CAMTA1: variants seen among roughly 807,000 people sequenced by gnomAD.
The protein encoded by CAMTA1 is calmodulin-binding transcription activator 1.
CAMTA1 carries 27 observed loss-of-function variants against 170.9 expected under a neutral mutation model. The observed-to-expected ratio is 0.16, with a 90% CI of 0.12 to 0.22. CAMTA1 has a LOEUF of 0.22. Among genes scored for constraint, CAMTA1 ranks in the 10% least tolerant of loss-of-function variants. The pLI is 1.00. For synonymous variants in CAMTA1, 833 were observed against 891.5 expected (o/e 0.93, Z 1.17); for missense variants, 1,619 against 2,217.2 (o/e 0.73, Z 5.42).
At chr1:7,728,909 C>T (rs2096711298) in intron 11 of CAMTA1, among the ~76,000 whole-genome samples, 1 of 152,184 alleles carries the variant, frequency 6.6e-6, no homozygotes, top group African/African-American at 2.4e-5. Flanking sequence ...GGTTACCCCA[C>T]ACAGTGTGTA....
chr1:6,868,348 AC>A (rs1667354298), intron 3 of CAMTA1, among the ~76,000 whole-genome samples: 1 of 151,546 alleles, frequency 6.6e-6, no homozygotes, highest in Non-Finnish European at 1.5e-5. Flanking sequence ...ACAAAACAAA[AC>A]AAAAAACGAC....
Position 7,751,305 on chromosome 1 carries a change from T to A in CAMTA1, c.4796T>A (p.Leu1599His). ...CAGCAGAGCCGACGGGCTGCTGTGC[T>A]CATCCAAAAGTACTACCGAAGTTAT... ...KFQQSRRAAV[L>H]IQKYYRSYKK... Residue 1599 changes from leucine (L) to histidine (H), a missense_variant, in exon 20 of 23, where the codon CTC becomes CAC. By Grantham distance (99) the Leu-to-His change is moderately conservative (BLOSUM62 -3). Transcript: ENST00000303635. 2.5e-6 allele frequency: 4 copies of A among 1,612,922 alleles called. No homozygotes were observed. The highest frequency in any genetic ancestry group is 3.4e-6 in the Non-Finnish European group (4 of 1,179,750).
intron 11 of CAMTA1, among the ~76,000 whole-genome samples, chr1:7,700,344 C>A (rs1200457108): frequency 2.0e-5 from 3 of 152,164 alleles, no homozygotes; most frequent in African/African-American, 7.2e-5. Context: ...TTTTCTATTT[C>A]TTCAAGCCTT....
intron 14 of CAMTA1, 37 bp downstream of exon 14, chr1:7,737,046 C>A (rs775742497): frequency 3.9e-6 from 6 of 1,522,058 alleles, no homozygotes; most frequent in Admixed American, 3.4e-5. Flanking sequence ...CCTTGCTGTT[C>A]TTCCAGTCTG....
At chr1:7,611,075 A>G (rs60180258) in intron 6 of CAMTA1, among the ~76,000 whole-genome samples, 1,713 of 152,194 alleles carry the variant, frequency 0.011, 22 homozygotes, top group African/African-American at 0.038. Context: ...CTCCTCTGTA[A>G]AGCAGGCAGA....
At chr1:7,370,724 A>C (rs1292297988) in intron 5 of CAMTA1, among the ~76,000 whole-genome samples, 1 of 152,162 alleles carries the variant, frequency 6.6e-6, no homozygotes, top group African/African-American at 2.4e-5. Context: ...TATATTTAAA[A>C]TCACATGCCA....
chr1:6,862,475 C>T (rs1182326998), intron 3 of CAMTA1, among the ~76,000 whole-genome samples: 1 of 152,220 alleles, frequency 6.6e-6, no homozygotes, highest in Non-Finnish European at 1.5e-5. Context: ...ATGCCATGAA[C>T]ATAGGTGTAA....
At chr1:7,461,125 AAG>A (rs2093077013) in intron 5 of CAMTA1, among the ~76,000 whole-genome samples, 1 of 152,128 alleles carries the variant, frequency 6.6e-6, no homozygotes, top group Non-Finnish European at 1.5e-5. Flanking sequence ...GGTTTTAGGG[AAG>A]AGAGGGGAGG....
chr1:7,126,509 A>G (rs1644940796), intron 4 of CAMTA1, among the ~76,000 whole-genome samples: 1 of 152,220 alleles, frequency 6.6e-6, no homozygotes, highest in African/African-American at 2.4e-5. Context: ...AAATTTAAAT[A>G]TTGATGAGTT....
intron 1 of CAMTA1, among the ~76,000 whole-genome samples, chr1:6,797,995 A>AT (rs1165317331): frequency 4.8e-5 from 7 of 146,498 alleles, no homozygotes; most frequent in African/African-American, 1.8e-4. Flanking sequence ...TGAAGAAAGG[A>AT]ATTTTTTTTT....
chr1:7,094,432 T>C (rs1446638173), intron 4 of CAMTA1, among the ~76,000 whole-genome samples: 1 of 152,216 alleles, frequency 6.6e-6, no homozygotes, highest in African/African-American at 2.4e-5. Context: ...TTTTAGAAAA[T>C]TAATAAAAAT....
chr1:7,607,241 T>C (rs1298426739), intron 6 of CAMTA1, among the ~76,000 whole-genome samples: 1 of 150,266 alleles, frequency 6.7e-6, no homozygotes, highest in African/African-American at 2.5e-5. Context: ...GGCAGCTGGA[T>C]GGATGGGTGA....
At chr1:7,450,573 G>A (rs1158281853) in intron 5 of CAMTA1, among the ~76,000 whole-genome samples, 5 of 152,196 alleles carry the variant, frequency 3.3e-5, no homozygotes, top group Admixed American at 1.3e-4. Context: ...GGGGCTGCAG[G>A]CCCCACCGCC....
intron 5 of CAMTA1, among the ~76,000 whole-genome samples, chr1:7,411,454 G>A (rs561217213): frequency 2.1e-5 from 3 of 141,472 alleles, no homozygotes; most frequent in Admixed American, 7.9e-5. Flanking sequence ...CAGGAGAATC[G>A]ATAGAACCTG....
At chr1:7,334,791 C>A (rs1275510536) in intron 5 of CAMTA1, among the ~76,000 whole-genome samples, 1 of 152,104 alleles carries the variant, frequency 6.6e-6, no homozygotes, top group Non-Finnish European at 1.5e-5. Flanking sequence ...ATTCGGTATG[C>A]AAATGAAGCC....
Position 7,671,281 on chromosome 1 carries a change from G to A in CAMTA1, c.2779+244G>A, listed in dbSNP as rs1246744092. On this transcript the variant is annotated intron_variant, in intron 10 of 22. Coordinates refer to ENST00000303635, the MANE Select transcript of CAMTA1 (RefSeq NM_015215.4). ...GGATTTTGAAGCGAATGTGATGAGA[G>A]CACGATTTAGGGCAGGAATAAGCCA... Among the ~76,000 whole-genome samples the A allele has an allele frequency of 2.0e-5, 3 of 152,338 alleles. No individual in the cohort carries two copies. In the East Asian group the frequency reaches 5.8e-4, roughly 29 times the overall value.
intron 3 of CAMTA1, among the ~76,000 whole-genome samples, chr1:6,989,521 G>A (rs2100390923): frequency 6.6e-6 from 1 of 152,310 alleles, no homozygotes; most frequent in Non-Finnish European, 1.5e-5. Context: ...TATTTCCAGT[G>A]GGAATTGAAA....
chr1:6,865,628 A>G (rs1666336958), intron 3 of CAMTA1, among the ~76,000 whole-genome samples: 1 of 152,234 alleles, frequency 6.6e-6, no homozygotes, highest in Admixed American at 6.5e-5. Flanking sequence ...GTATAATCAT[A>G]GTAATCACAG....
chr1:7,733,548 A>G (rs1277905178), intron 12 of CAMTA1, among the ~76,000 whole-genome samples: 3 of 152,184 alleles, frequency 2.0e-5, no homozygotes, highest in South Asian at 2.1e-4. Flanking sequence ...AAGGCTTTAT[A>G]TACATTTCAT....
Sources: allele counts gnomAD v4.1 joint callset (sites outside exome capture counted in the v4.1 genomes callset), GRCh38; gene constraint gnomAD v4.1.1; transcripts MANE v1.5; gene names NCBI Gene and HGNC (gene_info 2026-07-23, HGNC 2026-07-21).